Variants in DNAH8 observed in about 807,000 individuals in gnomAD.
DNAH8 encodes the protein dynein axonemal heavy chain 8.
DNAH8 carries 382 observed loss-of-function variants against 562.1 expected under a neutral mutation model. The ratio of observed to expected loss-of-function variants is 0.68; its 90% CI spans 0.63 to 0.74. The LOEUF (loss-of-function observed/expected upper bound fraction) is 0.74. DNAH8 is among the 30% of genes least tolerant of loss of function. The probability of loss-of-function intolerance (pLI) is 0.00; values close to 1 mark genes in which losing one functional copy is unlikely to be tolerated. For synonymous variants in DNAH8, 1,881 were observed against 1,919.4 expected, an observed-to-expected ratio of 0.98 and a Z score of 0.52; for missense variants, 5,203 against 5,620.4, an observed-to-expected ratio of 0.93 and a Z score of 2.37.
intron 74 of DNAH8, among the ~76,000 whole-genome samples, chr6:38,927,125 G>A (rs535716575): frequency 1.3e-5 from 2 of 152,164 alleles, no homozygotes; most frequent in Admixed American, 6.5e-5. Flanking sequence ...TAATCAAAGT[G>A]TGTCATCATT....
intron 82 of DNAH8, among the ~76,000 whole-genome samples, chr6:38,967,807 C>T (rs1763072660): frequency 6.6e-6 from 1 of 151,874 alleles, no homozygotes; most frequent in South Asian, 2.1e-4. Flanking sequence ...TCATGGGACC[C>T]AAGATAACTA....
intron 4 of DNAH8, among the ~76,000 whole-genome samples, chr6:38,733,869 C>T (rs942954128): frequency 2.1e-4 from 32 of 150,948 alleles, no homozygotes; most frequent in African/African-American, 6.8e-4. Flanking sequence ...TGAGATTGTG[C>T]CACAGCACTG....
intron 21 of DNAH8, among the ~76,000 whole-genome samples, chr6:38,799,288 T>G (rs1239828938): frequency 6.6e-6 from 1 of 152,088 alleles, no homozygotes; most frequent in African/African-American, 2.4e-5. Context: ...TCTTCAAAAC[T>G]GAGGTCCTCC....
chr6:38,907,987 A>T lies in DNAH8; in HGVS notation c.9380A>T (p.Asp3127Val). 1 of 1,608,280 alleles carries T rather than the reference A, an allele frequency of 6.2e-7. No individual in the cohort carries two copies. Among genetic ancestry groups the T allele is most frequent in the Non-Finnish European group, 8.5e-7 (1 of 1,178,062 alleles). ...ISNLFARDEMDEITQGLISVM... is the reference protein window; with the variant it reads ...ISNLFARDEMVEITQGLISVM... ...AACTTGTTTGCACGAGATGAGATGG[A>T]TGAAATCACCCAAGGTCTGATTTCA... Residue 3127 changes from aspartate (D) to valine (V), a missense_variant, in exon 64 of 93, where the codon GAT (aspartate) becomes GTT (valine). This residue lies in a region of DNAH8 where 977 missense variants were observed against 1,061.8 expected (regional missense o/e 0.92). Transcript: ENST00000327475.
intron 26 of DNAH8, 64 bp from the exon 27 acceptor site, chr6:38,822,774 A>G: frequency 2.5e-6 from 3 of 1,193,654 alleles, no homozygotes; most frequent in Non-Finnish European, 3.4e-6. Context: ...CACAAATATT[A>G]AAACTGATAA....
chr6:38,952,032 C>T (rs1242603530), intron 82 of DNAH8, among the ~76,000 whole-genome samples: 5 of 152,068 alleles, frequency 3.3e-5, no homozygotes, highest in South Asian at 2.1e-4. Context: ...AAGACAGACA[C>T]GTAAACATGT....
chr6:38,970,155 G>A (rs1763239330), intron 82 of DNAH8, among the ~76,000 whole-genome samples: 1 of 152,162 alleles, frequency 6.6e-6, no homozygotes, highest in African/African-American at 2.4e-5. Flanking sequence ...TTTCAGAGGA[G>A]TTGGAAGAAG....
chr6:38,859,224 C>T (rs1165035365), intron 42 of DNAH8, among the ~76,000 whole-genome samples: 1 of 152,190 alleles, frequency 6.6e-6, no homozygotes, highest in Non-Finnish European at 1.5e-5. Context: ...TTGAAAGTAG[C>T]TGGCTGAGAG....
intron 80 of DNAH8, among the ~76,000 whole-genome samples, chr6:38,946,309 C>A (rs1263051827): frequency 6.6e-6 from 1 of 152,202 alleles, no homozygotes; most frequent in Non-Finnish European, 1.5e-5. Flanking sequence ...CTGTAATCAC[C>A]AATCCCCTGC....
chr6:38,726,256 C>T (rs914573851), intron 3 of DNAH8, among the ~76,000 whole-genome samples: 5 of 152,176 alleles, frequency 3.3e-5, no homozygotes, highest in Admixed American at 1.3e-4. Context: ...GGCATTGCGG[C>T]CTGATCACTG....
intron 74 of DNAH8, among the ~76,000 whole-genome samples, chr6:38,928,415 T>G (rs79114101): frequency 0.013 from 1,962 of 152,322 alleles, 36 homozygotes; most frequent in Middle Eastern, 0.037. Flanking sequence ...CCTTGTTTAT[T>G]AAGTTCATTA....
intron 56 of DNAH8, among the ~76,000 whole-genome samples, chr6:38,884,718 A>G (rs1778786558): frequency 6.6e-6 from 1 of 152,172 alleles, no homozygotes; most frequent in South Asian, 2.1e-4. Flanking sequence ...CTTATTGTGC[A>G]TAATTTCTGA....
chr6:38,752,861 T>C (rs546314956), intron 9 of DNAH8, among the ~76,000 whole-genome samples: 1 of 152,336 alleles, frequency 6.6e-6, no homozygotes, highest in South Asian at 2.1e-4. Flanking sequence ...AGTCTTTTAA[T>C]TGAGTCCATA....
At chr6:38,976,319 C>T (rs1345666629) in intron 85 of DNAH8, among the ~76,000 whole-genome samples, 1 of 152,088 alleles carries the variant, frequency 6.6e-6, no homozygotes, top group East Asian at 1.9e-4. Flanking sequence ...TCTAAAATTC[C>T]ATCGCCCAAT....
chr6:38,850,027 A>G (rs1280325179), intron 37 of DNAH8, among the ~76,000 whole-genome samples: 3 of 152,220 alleles, frequency 2.0e-5, no homozygotes, highest in Admixed American at 1.3e-4. Context: ...CAAATAAGCA[A>G]TAAGCCTCAT....
intron 20 of DNAH8, among the ~76,000 whole-genome samples, chr6:38,790,682 A>G (rs971070567): frequency 4.6e-5 from 7 of 151,774 alleles, no homozygotes; most frequent in African/African-American, 1.7e-4. Context: ...AATTAGCTGG[A>G]CATGGTGGCG....
At chr6:38,837,459 TTTAAG>T (rs1449147942) in intron 32 of DNAH8, among the ~76,000 whole-genome samples, 1 of 152,218 alleles carries the variant, frequency 6.6e-6, no homozygotes, top group Non-Finnish European at 1.5e-5. Context: ...ACTTTGGTGA[TTTAAG>T]TTGTTAGAAT....
intron 14 of DNAH8, among the ~76,000 whole-genome samples, chr6:38,779,545 T>C (rs958328482): frequency 1.3e-5 from 2 of 152,216 alleles, no homozygotes; most frequent in Non-Finnish European, 2.9e-5. Flanking sequence ...TATGGTTAAA[T>C]GGTTATATGG....
At chr6:38,944,507 GA>G (rs1391207557) in intron 79 of DNAH8, among the ~76,000 whole-genome samples, 2 of 152,172 alleles carry the variant, frequency 1.3e-5, no homozygotes, top group African/African-American at 4.8e-5. Flanking sequence ...AAAAGTTAAA[GA>G]ATCACTGCTT....
Sources: allele counts gnomAD v4.1 joint callset (sites outside exome capture counted in the v4.1 genomes callset), GRCh38; gene constraint gnomAD v4.1.1; regional missense constraint gnomAD v4.1.1; transcripts MANE v1.5; gene names NCBI Gene and HGNC (gene_info 2026-07-23, HGNC 2026-07-21).